Variants in CACNG2 observed in about 807,000 individuals in gnomAD.
CACNG2 encodes voltage-dependent calcium channel gamma-2 subunit.
In CACNG2, 3 loss-of-function variants were observed where a neutral mutation model predicts 25.9. That is an observed-to-expected ratio of 0.12 (90% CI 0.05 to 0.30). The LOEUF (loss-of-function observed/expected upper bound fraction) is 0.30, where lower values mean the gene tolerates loss of function less well. Among genes scored for constraint, CACNG2 ranks in the 10% least tolerant of loss-of-function variants. The pLI is 1.00. For synonymous variants in CACNG2, 167 were observed against 173.3 expected (o/e 0.96, Z 0.29); for missense variants, 341 against 432.5 (o/e 0.79, Z 1.88).
intron 1 of CACNG2, among the ~76,000 whole-genome samples, chr22:36,631,160 G>T (rs1277426629): frequency 6.6e-6 from 1 of 152,138 alleles, no homozygotes; most frequent in Non-Finnish European, 1.5e-5. Context: ...AAAAGATGCA[G>T]GATGCAGCAA....
At position 36,564,416 on chromosome 22, in the gene CACNG2, T is replaced by C. The variant is rs1166309389; in HGVS notation, c.907A>G (p.Ile303Val). Residue 303 changes from isoleucine to valine, a missense_variant, in exon 4 of 4, where the codon ATC (isoleucine) becomes GTC (valine). Ile to Val is a conservative substitution (Grantham distance 29). This residue lies in a region of CACNG2 where 172 missense variants were observed against 178.1 expected (regional missense o/e 0.97). Transcript: ENST00000300105. The surrounding 1 kb of genome is among the most constrained non-coding windows in gnomAD (Gnocchi z 6.7). ...AGAGAGTCCTTGTTCTCCTTCTGGATACAGTTGTGAACCTGGAGGAAGCTG... is the reference window on the plus strand; with the variant it reads ...AGAGAGTCCTTGTTCTCCTTCTGGACACAGTTGTGAACCTGGAGGAAGCTG... ...DNSFLQVHNC[I>V]QKENKDSLHS... 2 of 1,614,074 alleles carry C rather than the reference T, an allele frequency of 1.2e-6. No homozygotes were observed. Among genetic ancestry groups the C allele is most frequent in the Non-Finnish European group, 8.5e-7 (1 of 1,179,976 alleles).
chr22:36,681,883 G>A (rs1427065219), intron 1 of CACNG2, among the ~76,000 whole-genome samples: 1 of 152,176 alleles, frequency 6.6e-6, no homozygotes, highest in African/African-American at 2.4e-5. Context: ...CATGGCATGT[G>A]TATGTTTCCT....
At chr22:36,608,593 G>A (rs925612437) in intron 1 of CACNG2, among the ~76,000 whole-genome samples, 6 of 152,188 alleles carry the variant, frequency 3.9e-5, no homozygotes, top group African/African-American at 9.7e-5. Flanking sequence ...GTGAGAAACT[G>A]GAGGTTCATA....
intron 1 of CACNG2, among the ~76,000 whole-genome samples, chr22:36,650,029 C>T (rs1389082562): frequency 6.6e-6 from 1 of 152,250 alleles, no homozygotes; most frequent in Non-Finnish European, 1.5e-5. Context: ...TCCCAGTCCA[C>T]ACCACCACCA....
chr22:36,613,482 C>T (rs910016428), intron 1 of CACNG2, among the ~76,000 whole-genome samples: 4 of 152,248 alleles, frequency 2.6e-5, no homozygotes, highest in Non-Finnish European at 5.9e-5. Context: ...GTGCCGTCTT[C>T]CCTTGGCGTC....
chr22:36,675,377 T>TA (rs1937007244), intron 1 of CACNG2, among the ~76,000 whole-genome samples: 1 of 151,748 alleles, frequency 6.6e-6, no homozygotes, highest in Admixed American at 6.6e-5. Flanking sequence ...GGTGACCAAT[T>TA]AAAAAAAATA....
intron 1 of CACNG2, among the ~76,000 whole-genome samples, chr22:36,667,349 AG>A (rs2145989513): frequency 6.6e-6 from 1 of 152,258 alleles, no homozygotes; most frequent in South Asian, 2.1e-4. Context: ...CGCTGCACTG[AG>A]CCCCTCTCTG....
At chr22:36,686,145 G>C (rs1336470862) in intron 1 of CACNG2, among the ~76,000 whole-genome samples, 1 of 152,196 alleles carries the variant, frequency 6.6e-6, no homozygotes, top group African/African-American at 2.4e-5. Context: ...TGGCTTTGAG[G>C]CTGGCAGGAG....
intron 1 of CACNG2, among the ~76,000 whole-genome samples, chr22:36,615,520 G>C (rs774894227): frequency 6.6e-6 from 1 of 152,154 alleles, no homozygotes; most frequent in African/African-American, 2.4e-5. Flanking sequence ...TCCGCATGAT[G>C]GGCTCCTCAC....
rs1226953978 is a variant in CACNG2, at chr22:36,564,862, A to G, written c.461T>C (p.Ile154Thr). ...SAGLSNIIGI[I>T]VYISANAGDP... ...TCCGGCATTGGCAGATATGTACACTATGATGCCAATGATGTTACTCAGACC... is the reference window on the plus strand; with the variant it reads ...TCCGGCATTGGCAGATATGTACACTGTGATGCCAATGATGTTACTCAGACC... The change falls in exon 4 of 4, where the codon ATA (isoleucine) becomes ACA (threonine). Residue 154 changes from isoleucine to threonine, a missense_variant. Ile to Thr is a moderately conservative substitution (Grantham distance 89, BLOSUM62 -1). Coordinates refer to ENST00000300105, the MANE Select transcript of CACNG2 (RefSeq NM_006078.5). The surrounding 1 kb of genome is among the most constrained non-coding windows in gnomAD (Gnocchi z 6.7). 3.1e-6 allele frequency: 5 copies of G among 1,613,576 alleles called. No homozygotes were observed. The Admixed American group carries it at 8.3e-5, about 27-fold the overall frequency.
chr22:36,623,000 T>C (rs947689164), intron 1 of CACNG2, among the ~76,000 whole-genome samples: 2 of 147,540 alleles, frequency 1.4e-5, no homozygotes, highest in African/African-American at 5.0e-5. Context: ...TCATTCAGTC[T>C]TCAAAACATG....
chr22:36,566,515 GGAGAAA>G lies in CACNG2; in HGVS notation c.296-28_296-23del, dbSNP rs765990401. 3.3e-5 allele frequency: 53 copies of G among 1,613,660 alleles called. 1 individual carries two copies. The highest frequency in any genetic ancestry group is 3.3e-4 in the Middle Eastern group (2 of 6,084). On this transcript the variant is annotated intron_variant, in intron 2 of 3. Coordinates refer to ENST00000300105, the MANE Select transcript of CACNG2 (RefSeq NM_006078.5). ...GCCCCTGTGGAACACAGAGGGTCAG[GGAGAAA>G]GAGAACGGCATGGCTGTGAGACTGA...
intron 2 of CACNG2, among the ~76,000 whole-genome samples, chr22:36,577,732 T>A (rs1420582979): frequency 6.6e-6 from 1 of 151,706 alleles, no homozygotes; most frequent in Non-Finnish European, 1.5e-5. Context: ...GCTGGGTGGC[T>A]TTTGGGGAAC....
intron 2 of CACNG2, among the ~76,000 whole-genome samples, chr22:36,579,722 C>A (rs1008032313): frequency 3.9e-5 from 6 of 152,188 alleles, no homozygotes; most frequent in African/African-American, 1.2e-4. Flanking sequence ...TATCACAGGG[C>A]GTCCTGGCTG....
At chr22:36,565,337 G>A (rs539274873) in intron 3 of CACNG2, among the ~76,000 whole-genome samples, 11 of 152,362 alleles carry the variant, frequency 7.2e-5, no homozygotes, top group Admixed American at 6.5e-4. Flanking sequence ...GAGCCAGGCT[G>A]GCCTGCGTTC....
intron 1 of CACNG2, among the ~76,000 whole-genome samples, chr22:36,618,683 G>A (rs1427112868): frequency 2.6e-5 from 4 of 152,202 alleles, no homozygotes; most frequent in Admixed American, 2.6e-4. Context: ...CACTTTGGGA[G>A]GCTGAGGCGA....
chr22:36,587,165 C>T (rs1015299122), intron 2 of CACNG2, among the ~76,000 whole-genome samples: 3 of 152,002 alleles, frequency 2.0e-5, no homozygotes, highest in Non-Finnish European at 2.9e-5. Flanking sequence ...GATAAAGTAC[C>T]GTCCTCTAGG....
chr22:36,685,193 G>A (rs1937179539), intron 1 of CACNG2, among the ~76,000 whole-genome samples: 3 of 152,084 alleles, frequency 2.0e-5, no homozygotes, highest in Admixed American at 2.0e-4. Flanking sequence ...TCCCAGCCTG[G>A]GGGCGGGCAG....
rs117321033 is a variant in CACNG2, at chr22:36,608,683, T to C, written c.212-21135A>G. Among the ~76,000 whole-genome samples, 93 of 152,044 alleles carry C rather than the reference T, an allele frequency of 6.1e-4. 1 individual carries two copies. The East Asian group carries it at 0.016, about 27-fold the overall frequency. ...AGACTACCTGGGTGTGTATTTGCCTTGGGCAAATTCCTCAACATCTTTTTT... is the reference window on the plus strand; with the variant it reads ...AGACTACCTGGGTGTGTATTTGCCTCGGGCAAATTCCTCAACATCTTTTTT... On this transcript the variant is annotated intron_variant, in intron 1 of 3. Coordinates refer to ENST00000300105, the MANE Select transcript of CACNG2 (RefSeq NM_006078.5).
Sources: allele counts gnomAD v4.1 joint callset (sites outside exome capture counted in the v4.1 genomes callset), GRCh38; gene constraint gnomAD v4.1.1; regional missense constraint gnomAD v4.1.1; non-coding constraint Gnocchi (gnomAD v3.1); transcripts MANE v1.5; gene names NCBI Gene and HGNC (gene_info 2026-07-23, HGNC 2026-07-21).